GRIK3: variants seen among roughly 807,000 people sequenced by gnomAD.
GRIK3 encodes glutamate receptor ionotropic, kainate 3.
A neutral mutation model predicts 102.5 loss-of-function variants in GRIK3; 29 were observed. That is an observed-to-expected ratio of 0.28 (90% CI 0.21 to 0.39). The LOEUF is 0.39. Among genes scored for constraint, GRIK3 ranks in the 10% least tolerant of loss-of-function variants. GRIK3 has a pLI of 1.00. For missense variants in GRIK3, 908 were observed against 1,252.4 expected (o/e 0.73, Z 4.15); for synonymous variants, 511 against 504.9 (o/e 1.01, Z -0.16).
chr1:36,833,307 G>A (rs187034865), intron 10 of GRIK3, among the ~76,000 whole-genome samples: 48 of 152,222 alleles, frequency 3.2e-4, no homozygotes, highest in South Asian at 1.0e-3. Flanking sequence ...CCCTGGCCCC[G>A]GATGAACCCA....
chr1:36,864,874 G>A (rs1007179867), intron 5 of GRIK3, among the ~76,000 whole-genome samples: 8 of 151,470 alleles, frequency 5.3e-5, no homozygotes, highest in African/African-American at 1.7e-4. Context: ...GACTGCCCAG[G>A]GCCAAGACCC....
intron 1 of GRIK3, among the ~76,000 whole-genome samples, chr1:37,003,655 A>T (rs1373149867): frequency 2.6e-5 from 4 of 152,086 alleles, no homozygotes; most frequent in African/African-American, 9.7e-5. Flanking sequence ...CTACAAACCC[A>T]TGTCTCTCCC....
intron 2 of GRIK3, among the ~76,000 whole-genome samples, chr1:36,882,911 C>T (rs1452919665): frequency 3.3e-5 from 5 of 152,236 alleles, no homozygotes; most frequent in African/African-American, 1.2e-4. Flanking sequence ...AGTTTTCCGC[C>T]AGTTGCAACC....
At position 36,976,116 on chromosome 1, in the gene GRIK3, G is replaced by A. The variant is rs527347161; in HGVS notation, c.115+57878C>T. Among the ~76,000 whole-genome samples, 12 of 152,330 alleles carry A rather than the reference G, an allele frequency of 7.9e-5. No homozygotes were observed. In the East Asian group the frequency reaches 2.1e-3, roughly 27 times the overall value. On this transcript the variant is annotated intron_variant, in intron 1 of 15. Coordinates refer to ENST00000373091, the MANE Select transcript of GRIK3 (RefSeq NM_000831.4). ...GTTCTCCTGCTTGGCTACAGCAGGG[G>A]ATGGACACATGGGAGGGTGTGTGTA...
At position 36,880,920 on chromosome 1, in the gene GRIK3, G is replaced by A. The variant is rs774202925; in HGVS notation, c.293-29C>T. 6.4e-7 allele frequency: 1 copy of A among 1,573,740 alleles called. No homozygotes were observed. Among genetic ancestry groups the A allele is most frequent in the African/African-American group, 1.4e-5 (1 of 73,892 alleles). ...CAACAGAGGGTAGGGCAGCACAGGG[G>A]TCAGCACTGGGGCTGTGGGTATGGG... On this transcript the variant is annotated intron_variant, in intron 2 of 15. Transcript: ENST00000373091. The surrounding 1 kb of genome is among the most constrained non-coding windows in gnomAD (Gnocchi z 5.4).
chr1:36,829,257 T>C (rs945088571), intron 10 of GRIK3, among the ~76,000 whole-genome samples: 14 of 152,226 alleles, frequency 9.2e-5, no homozygotes, highest in African/African-American at 3.1e-4. Flanking sequence ...TTACTCAGAA[T>C]GAAAGGCCCA....
In GRIK3 at chr1:36,801,752, G is replaced by A. The variant is rs897276501; in HGVS notation, c.*99C>T. The A allele has an allele frequency of 9.6e-7, 1 of 1,046,804 alleles. No individual in the cohort carries two copies. The highest frequency in any genetic ancestry group is 1.6e-5 in the African/African-American group (1 of 62,492). 64.8% of individuals were successfully genotyped at this position (1,046,804 alleles called of 1,614,324 possible). ...GGCCCAACAGGCAGGTGGCAGCTCTGGTCCCCAAGCCCAGTGCGGGGACAG... is the reference window on the plus strand; with the variant it reads ...GGCCCAACAGGCAGGTGGCAGCTCTAGTCCCCAAGCCCAGTGCGGGGACAG... On this transcript the variant is annotated 3_prime_UTR_variant, in exon 16 of 16. Transcript: ENST00000373091.
In GRIK3 at chr1:36,859,697, C is replaced by T. The variant is rs1298003783; in HGVS notation, c.960+147G>A. On this transcript the variant is annotated intron_variant, in intron 6 of 15. Coordinates refer to ENST00000373091, the MANE Select transcript of GRIK3 (RefSeq NM_000831.4). ...GACTGTCTGTTTCACGTTTGTGTCC[C>T]CAATCCCTAGCCTGGGGTCTGGCTG... 4.4e-6 allele frequency: 3 copies of T among 682,568 alleles called. No homozygotes were observed. In the East Asian group the frequency reaches 8.1e-5, roughly 18 times the overall value. 42.3% of individuals were successfully genotyped at this position (682,568 alleles called of 1,614,324 possible).
At chr1:36,961,503 G>C (rs1421282691) in intron 1 of GRIK3, among the ~76,000 whole-genome samples, 1 of 152,184 alleles carries the variant, frequency 6.6e-6, no homozygotes, top group African/African-American at 2.4e-5. Context: ...TGGCTCTCAG[G>C]AGGCCACAGC....
chr1:36,912,064 C>G (rs1277595766), intron 1 of GRIK3, among the ~76,000 whole-genome samples: 4 of 152,126 alleles, frequency 2.6e-5, no homozygotes, highest in African/African-American at 9.7e-5. Flanking sequence ...GCAGGGTGTC[C>G]TCACCCCATG....
intron 1 of GRIK3, among the ~76,000 whole-genome samples, chr1:37,021,294 G>GA (rs926579623): frequency 8.0e-5 from 12 of 150,686 alleles, no homozygotes; most frequent in Admixed American, 2.6e-4. Flanking sequence ...ACCCGTGAAA[G>GA]AAAAAAAAAT....
intron 1 of GRIK3, among the ~76,000 whole-genome samples, chr1:36,986,705 C>T (rs1642311123): frequency 1.3e-5 from 2 of 152,138 alleles, no homozygotes. Context: ...GCACATCTGC[C>T]AAAGCCTGGA....
chr1:36,820,647 C>T (rs1295149314), intron 11 of GRIK3, among the ~76,000 whole-genome samples: 3 of 151,988 alleles, frequency 2.0e-5, no homozygotes, highest in African/African-American at 7.2e-5. Flanking sequence ...TAATAAAAAA[C>T]CTTAAAACGG....
At chr1:37,023,798 A>C (rs143782335) in intron 1 of GRIK3, among the ~76,000 whole-genome samples, 98 of 152,210 alleles carry the variant, frequency 6.4e-4, no homozygotes, top group African/African-American at 2.1e-3. Flanking sequence ...AACCTCTCTA[A>C]CACAGACCCC....
At chr1:36,907,872 C>A (rs940278114) in intron 1 of GRIK3, among the ~76,000 whole-genome samples, 1 of 152,140 alleles carries the variant, frequency 6.6e-6, no homozygotes, top group Admixed American at 6.5e-5. Flanking sequence ...TGGTTCCACT[C>A]ACAGGCTACC....
chr1:37,009,835 C>A (rs142762742), intron 1 of GRIK3, among the ~76,000 whole-genome samples: 1,655 of 152,188 alleles, frequency 0.011, 31 homozygotes, highest in African/African-American at 0.038. Flanking sequence ...AAAAATGGCC[C>A]CTGGCTGACA....
chr1:36,956,935 T>C (rs939017176), intron 1 of GRIK3, among the ~76,000 whole-genome samples: 1 of 152,282 alleles, frequency 6.6e-6, no homozygotes, highest in African/African-American at 2.4e-5. Context: ...ATTCATTCAC[T>C]GTCCTGTGAG....
intron 1 of GRIK3, among the ~76,000 whole-genome samples, chr1:36,942,272 G>C (rs550269838): frequency 6.6e-6 from 1 of 152,352 alleles, no homozygotes; most frequent in South Asian, 2.1e-4. Context: ...ACTCACATGA[G>C]TCCTGTGGTG....
intron 1 of GRIK3, among the ~76,000 whole-genome samples, chr1:36,921,696 T>C (rs1423798378): frequency 6.6e-6 from 1 of 152,166 alleles, no homozygotes; most frequent in Non-Finnish European, 1.5e-5. Flanking sequence ...TGTCATAGTA[T>C]AATGGGTGGC....
Sources: allele counts gnomAD v4.1 joint callset (sites outside exome capture counted in the v4.1 genomes callset), GRCh38; gene constraint gnomAD v4.1.1; non-coding constraint Gnocchi (gnomAD v3.1); transcripts MANE v1.5; gene names NCBI Gene and HGNC (gene_info 2026-07-23, HGNC 2026-07-21).